DISP1: variants seen among roughly 807,000 people sequenced by gnomAD.
The protein encoded by DISP1 is protein dispatched homolog 1.
A neutral mutation model predicts 37.3 loss-of-function variants in DISP1; 30 were observed. The ratio of observed to expected loss-of-function variants is 0.80; its 90% CI spans 0.60 to 1.09. DISP1 has a LOEUF of 1.09. DISP1 is among the 50% of genes least tolerant of loss of function. DISP1 has a pLI of 0.00. For missense variants in DISP1, 1,598 were observed against 1,879.5 expected, an observed-to-expected ratio of 0.85 and a Z score of 2.77; for synonymous variants, 634 against 690.2, an observed-to-expected ratio of 0.92 and a Z score of 1.28.
chr1:223,003,999 C>A lies in DISP1; in HGVS notation c.2602C>A (p.Pro868Thr), dbSNP rs1457678098. ...GATGGAAAACCAGGACTGTGATGAG[C>A]CTGCCCTGTACCCATGCTGCAGCCA... Reference protein sequence around the residue: ...QWMENQDCDEPALYPCCSHWS... With the variant: ...QWMENQDCDETALYPCCSHWS... The change falls in exon 9 of 9, where the codon CCT becomes ACT. Residue 868 changes from proline to threonine, a missense_variant. Physicochemically the swap from Pro to Thr is conservative, Grantham distance 38. Coordinates refer to ENST00000675850, the MANE Select transcript of DISP1 (RefSeq NM_001377229.1). The surrounding 1 kb of genome is among the most constrained non-coding windows in gnomAD (Gnocchi z 4.3). 1 of 1,614,154 alleles carries A rather than the reference C, an allele frequency of 6.2e-7. No homozygotes were observed.
intron 3 of DISP1, among the ~76,000 whole-genome samples, chr1:222,966,731 T>C (rs1437640078): frequency 6.6e-6 from 1 of 152,194 alleles, no homozygotes; most frequent in African/African-American, 2.4e-5. Context: ...TATTGTGATC[T>C]GAGTGGTGGT....
At chr1:222,837,083 T>G (rs1667243947) in intron 1 of DISP1, 2 of 398,448 alleles carry the variant, frequency 5.0e-6, no homozygotes, top group Non-Finnish European at 8.8e-6. Flanking sequence ...GCCGGTAGAT[T>G]GGGCCCAGTA....
intron 2 of DISP1, among the ~76,000 whole-genome samples, chr1:222,931,604 G>C (rs559739141): frequency 1.3e-5 from 2 of 151,806 alleles, no homozygotes; most frequent in African/African-American, 2.4e-5. Context: ...GGGATGTGAG[G>C]CTAAATAACA....
Position 222,841,482 on chromosome 1 carries a change from C to G in DISP1, c.-159+26404C>G, listed in dbSNP as rs574805351. 4.6e-5 allele frequency among the ~76,000 whole-genome samples: 7 copies of G among 152,304 alleles called. No homozygotes were observed. In the South Asian group the frequency reaches 1.4e-3, roughly 32 times the overall value. ...GCTAGTAAGTGTCAGAGCTGGACTT[C>G]TTGAACTCATGTCTGGGTTCCAAAG... On this transcript the variant is annotated intron_variant, in intron 1 of 8. Transcript: ENST00000675850.
chr1:222,930,053 C>T (rs1346937021), intron 2 of DISP1, among the ~76,000 whole-genome samples: 1 of 152,204 alleles, frequency 6.6e-6, no homozygotes, highest in East Asian at 1.9e-4. Context: ...TTAATTCAGT[C>T]TGGGAAATAT....
At chr1:222,976,753 T>C (rs1677362104) in intron 3 of DISP1, among the ~76,000 whole-genome samples, 2 of 152,178 alleles carry the variant, frequency 1.3e-5, no homozygotes, top group Non-Finnish European at 2.9e-5. Context: ...TTACATTTGT[T>C]ACAACCCAAA....
At chr1:222,967,162 A>G (rs923351634) in intron 3 of DISP1, among the ~76,000 whole-genome samples, 2 of 152,154 alleles carry the variant, frequency 1.3e-5, no homozygotes, top group Non-Finnish European at 1.5e-5. Flanking sequence ...ACATGTATAC[A>G]TATGTAGAAA....
chr1:222,816,471 C>T (rs1661274498), intron 1 of DISP1, among the ~76,000 whole-genome samples: 1 of 152,162 alleles, frequency 6.6e-6, no homozygotes. Flanking sequence ...TTGCTTGTTT[C>T]AGGTGTTTCA....
intron 1 of DISP1, among the ~76,000 whole-genome samples, chr1:222,863,060 G>T (rs1219021902): frequency 6.6e-6 from 1 of 152,146 alleles, no homozygotes; most frequent in African/African-American, 2.4e-5. Flanking sequence ...TTGAGGTTTT[G>T]CAGTTTTGGC....
chr1:222,991,393 G>A (rs1678684257), intron 5 of DISP1, 127 bp from the exon 6 acceptor site: 1 of 1,154,942 alleles, frequency 8.7e-7, no homozygotes, highest in Non-Finnish European at 1.3e-6. Context: ...TGGAGTAGCT[G>A]TGAGGAACAG....
intron 1 of DISP1, 81 bp downstream of exon 1, chr1:222,815,159 A>C (rs1360941611): frequency 6.6e-6 from 1 of 152,396 alleles, no homozygotes; most frequent in African/African-American, 2.4e-5. Context: ...GCGCCGCGGG[A>C]CTGGGAGACC....
intron 1 of DISP1, among the ~76,000 whole-genome samples, chr1:222,843,777 A>C (rs35264472): frequency 0.15 from 23,175 of 152,148 alleles, 1,977 homozygotes; most frequent in South Asian, 0.25. Context: ...TGGAAGAGAA[A>C]GATGAAATTG....
At chr1:222,929,420 G>A (rs1460867520) in intron 2 of DISP1, among the ~76,000 whole-genome samples, 3 of 152,054 alleles carry the variant, frequency 2.0e-5, no homozygotes, top group Non-Finnish European at 4.4e-5. Context: ...GATATTTCAT[G>A]CACATCACTG....
intron 3 of DISP1, among the ~76,000 whole-genome samples, chr1:222,967,118 G>T (rs777592818): frequency 2.6e-5 from 3 of 117,298 alleles, no homozygotes; most frequent in Non-Finnish European, 4.3e-5. Context: ...AGGGGGAATA[G>T]ATCTACATAT....
intron 1 of DISP1, among the ~76,000 whole-genome samples, chr1:222,842,837 C>T (rs750643140): frequency 9.9e-5 from 15 of 151,984 alleles, no homozygotes; most frequent in Admixed American, 3.9e-4. Context: ...TTGTCTGATG[C>T]ACTTTATGCT....
chr1:223,001,267 C>T lies in DISP1; in HGVS notation c.988-1118C>T, dbSNP rs180823785. On this transcript the variant is annotated intron_variant, in intron 8 of 8. Coordinates refer to ENST00000675850, the MANE Select transcript of DISP1 (RefSeq NM_001377229.1). Reference sequence around the variant, plus strand: ...CTAATGTGCAGCAGGTCCTCATTTACCAAAAGAGAAAGTTTTCAAAAAAAG... The same window carrying T: ...CTAATGTGCAGCAGGTCCTCATTTATCAAAAGAGAAAGTTTTCAAAAAAAG... 2.6e-5 allele frequency among the ~76,000 whole-genome samples: 4 copies of T among 152,142 alleles called. No individual in the cohort carries two copies. The East Asian group carries it at 7.7e-4, about 29-fold the overall frequency.
intron 2 of DISP1, among the ~76,000 whole-genome samples, chr1:222,939,211 G>A (rs967604191): frequency 3.9e-5 from 6 of 152,102 alleles, no homozygotes; most frequent in Admixed American, 3.9e-4. Flanking sequence ...ATTTTACCAT[G>A]TGGAAAAAAC....
intron 4 of DISP1, among the ~76,000 whole-genome samples, chr1:222,984,401 C>A (rs1254627698): frequency 5.4e-5 from 1 of 18,476 alleles, no homozygotes. Context: ...CAGACTCTGT[C>A]TCAAAAAAAA....
intron 2 of DISP1, among the ~76,000 whole-genome samples, chr1:222,937,904 C>T (rs181510518): frequency 2.0e-5 from 3 of 147,786 alleles, no homozygotes; most frequent in East Asian, 4.0e-4. Flanking sequence ...GACAGGGTCT[C>T]GTTCTACCAC....
Sources: allele counts gnomAD v4.1 joint callset (sites outside exome capture counted in the v4.1 genomes callset), GRCh38; gene constraint gnomAD v4.1.1; non-coding constraint Gnocchi (gnomAD v3.1); transcripts MANE v1.5; gene names NCBI Gene and HGNC (gene_info 2026-07-23, HGNC 2026-07-21).